Variants in ZC3H12B observed in about 807,000 individuals in gnomAD.
The protein encoded by ZC3H12B is zinc finger CCCH-type containing 12B, also known as probable ribonuclease ZC3H12B.
ZC3H12B carries 7 observed loss-of-function variants against 43.9 expected under a neutral mutation model. The ratio of observed to expected loss-of-function variants is 0.16; its 90% CI spans 0.09 to 0.30. The LOEUF (loss-of-function observed/expected upper bound fraction) is 0.30. Among genes scored for constraint, ZC3H12B ranks in the 10% least tolerant of loss-of-function variants. ZC3H12B has a pLI of 1.00. For synonymous variants in ZC3H12B, 222 were observed against 241.7 expected (o/e 0.92, Z 0.76); for missense variants, 475 against 670.2 (o/e 0.71, Z 3.22).
the ZC3H12B span, among the ~76,000 whole-genome samples, chrX:65,107,019 T>G: frequency 9.0e-5 from 10 of 111,159 alleles, no homozygotes; most frequent in Admixed American, 2.9e-4. Context: ...GATACTCACA[T>G]GAATGTAGGT....
the ZC3H12B span, among the ~76,000 whole-genome samples, chrX:65,072,090 G>A: frequency 3.5e-3 from 393 of 111,926 alleles, 4 homozygotes; most frequent in African/African-American, 0.012. Flanking sequence ...ATACCAGTGG[G>A]TTATGGATTT....
chrX:65,228,641 T>C, the ZC3H12B span, among the ~76,000 whole-genome samples: 1 of 112,058 alleles, frequency 8.9e-6, no homozygotes, highest in Admixed American at 9.5e-5. Flanking sequence ...AACCCGATTG[T>C]CTCAGCCCAA....
At chrX:65,107,160 A>T in the ZC3H12B span, among the ~76,000 whole-genome samples, 1 of 111,621 alleles carries the variant, frequency 9.0e-6, no homozygotes, top group Non-Finnish European at 1.9e-5. Context: ...ATTAGGAAGG[A>T]CCTTGAATGA....
intron 2 of ZC3H12B, among the ~76,000 whole-genome samples, chrX:65,395,878 C>G (rs1174782527): frequency 9.0e-6 from 1 of 111,577 alleles, no homozygotes; most frequent in Non-Finnish European, 1.9e-5. Context: ...TGTTATTGGT[C>G]TATTCAGGTA....
At chrX:65,309,180 C>T in the ZC3H12B span, among the ~76,000 whole-genome samples, 49 of 109,589 alleles carry the variant, frequency 4.5e-4, no homozygotes, top group Admixed American at 1.5e-3. Flanking sequence ...AAAAAAAACC[C>T]TTCAAAAAAA....
At chrX:65,159,078 G>C in the ZC3H12B span, among the ~76,000 whole-genome samples, 1 of 111,584 alleles carries the variant, frequency 9.0e-6, no homozygotes, top group Admixed American at 9.6e-5. Flanking sequence ...AGCTCAAATG[G>C]TTGTAGATAT....
chrX:65,189,960 G>T, the ZC3H12B span, among the ~76,000 whole-genome samples: 1 of 109,265 alleles, frequency 9.2e-6, no homozygotes, highest in African/African-American at 3.5e-5. Flanking sequence ...AATCCATCTT[G>T]AATTGATTTT....
At chrX:65,113,636 G>A in the ZC3H12B span, among the ~76,000 whole-genome samples, 1 of 109,857 alleles carries the variant, frequency 9.1e-6, no homozygotes, top group East Asian at 2.9e-4. Context: ...CATTGATGTT[G>A]CAAACTTCAT....
At chrX:65,330,450 G>A in the ZC3H12B span, among the ~76,000 whole-genome samples, 10 of 111,169 alleles carry the variant, frequency 9.0e-5, no homozygotes, top group African/African-American at 2.9e-4. Context: ...TGTTGAATAG[G>A]AGTGGTGAGA....
At chrX:65,152,949 C>A in the ZC3H12B span, among the ~76,000 whole-genome samples, 5 of 111,760 alleles carry the variant, frequency 4.5e-5, no homozygotes, top group African/African-American at 1.3e-4. Flanking sequence ...ACTATCTGAT[C>A]TTTGACAAAC....
chrX:65,478,269 G>T (rs1306559466), intron 3 of ZC3H12B, among the ~76,000 whole-genome samples: 1 of 112,041 alleles, frequency 8.9e-6, no homozygotes, highest in Non-Finnish European at 1.9e-5. Context: ...GAGCTCCTTG[G>T]CTCAAGCAAT....
the ZC3H12B span, among the ~76,000 whole-genome samples, chrX:65,351,017 C>T: frequency 2.7e-5 from 3 of 111,943 alleles, no homozygotes; most frequent in Non-Finnish European, 5.6e-5. Context: ...ATAAACAAGA[C>T]AATCCTGGGC....
At chrX:65,507,216 A>G (rs1016809757) in exon 5 of ZC3H12B, 2 of 111,636 alleles carry the variant, frequency 1.8e-5, no homozygotes, top group Non-Finnish European at 3.8e-5. Context: ...ACTTTGTTCT[A>G]CTTTGTGAAC....
chrX:65,224,541 G>A, the ZC3H12B span, among the ~76,000 whole-genome samples: 5,082 of 112,568 alleles, frequency 0.045, 276 homozygotes, highest in African/African-American at 0.15. Flanking sequence ...TGGGTGCAGT[G>A]CACCGTGCAT....
chrX:65,478,620 T>G (rs1156767408), intron 3 of ZC3H12B, among the ~76,000 whole-genome samples: 1 of 112,430 alleles, frequency 8.9e-6, no homozygotes, highest in East Asian at 2.8e-4. Context: ...TTCAAAAACA[T>G]TTTTCTTAAC....
At chrX:65,125,171 G>A in the ZC3H12B span, among the ~76,000 whole-genome samples, 153 of 111,019 alleles carry the variant, frequency 1.4e-3, no homozygotes, top group African/African-American at 4.8e-3. Flanking sequence ...CAGAGGTTTT[G>A]GTAAGTTGTG....
chrX:65,073,322 A>C, the ZC3H12B span, among the ~76,000 whole-genome samples: 1 of 112,080 alleles, frequency 8.9e-6, no homozygotes, highest in East Asian at 2.8e-4. Context: ...GGAGTGTGGG[A>C]GGGGACAGGT....
intron 2 of ZC3H12B, among the ~76,000 whole-genome samples, chrX:65,397,265 A>G (rs1020907394): frequency 9.0e-6 from 1 of 111,567 alleles, no homozygotes; most frequent in African/African-American, 3.3e-5. Flanking sequence ...TATTTTGCAC[A>G]TTAGTTGATT....
chrX:65,295,575 C>T, the ZC3H12B span, among the ~76,000 whole-genome samples: 3 of 110,720 alleles, frequency 2.7e-5, no homozygotes, highest in African/African-American at 6.5e-5. Context: ...AACTAAATTA[C>T]GTTGAAACAA....
Sources: allele counts gnomAD v4.1 joint callset (sites outside exome capture counted in the v4.1 genomes callset), GRCh38; gene constraint gnomAD v4.1.1; transcripts MANE v1.5; gene names NCBI Gene and HGNC (gene_info 2026-07-23, HGNC 2026-07-21).